The following HELB variants were observed in gnomAD, a reference collection of about 807,000 sequenced individuals.
HELB encodes DNA 5'-3' helicase B.
A neutral mutation model predicts 101.7 loss-of-function variants in HELB; 96 were observed. The observed-to-expected ratio is 0.94, with a 90% CI of 0.80 to 1.12. The LOEUF is 1.12. HELB is among the 50% of genes most tolerant of loss of function. HELB has a pLI of 0.00. For synonymous variants in HELB, 437 were observed against 459.7 expected (o/e 0.95, Z 0.63); for missense variants, 1,210 against 1,291.9 (o/e 0.94, Z 0.97).
At chr12:66,337,577 G>C (rs570600335) in intron 12 of HELB, among the ~76,000 whole-genome samples, 13 of 151,786 alleles carry the variant, frequency 8.6e-5, no homozygotes, top group Middle Eastern at 6.8e-3. Context: ...TGACTTCATG[G>C]GCAGGCAACA....
Position 66,314,040 on chromosome 12 carries a change from T to C in HELB, c.1735T>C (p.Trp579Arg). 1 of 1,613,928 alleles carries C rather than the reference T, an allele frequency of 6.2e-7. No individual in the cohort carries two copies. The highest frequency in any genetic ancestry group is 8.5e-7 in the Non-Finnish European group (1 of 1,179,850). Residue 579 changes from tryptophan to arginine, a missense_variant, in exon 5 of 13, where the codon TGG (tryptophan) becomes CGG (arginine). Trp to Arg is a moderately radical substitution (Grantham distance 101, BLOSUM62 -3). Coordinates refer to ENST00000247815, the MANE Select transcript of HELB (RefSeq NM_001370285.1). ...TQTMMTTNKPWKFSSVRVLVV... is the reference protein window; with the variant it reads ...TQTMMTTNKPRKFSSVRVLVV... ...AACAATGATGACCACAAACAAACCA[T>C]GGAAATTTTCTTCGGTTAGAGTTCT...
chr12:66,329,060 A>G (rs768021242), intron 11 of HELB, among the ~76,000 whole-genome samples: 6 of 152,244 alleles, frequency 3.9e-5, no homozygotes, highest in Non-Finnish European at 7.3e-5. Flanking sequence ...TATAGAATAG[A>G]CATATACATA....
At position 66,302,721 on chromosome 12, in the gene HELB, G is replaced by A. The variant is rs758702075; in HGVS notation, c.118G>A (p.Val40Met). 1.9e-6 allele frequency: 3 copies of A among 1,613,964 alleles called. No homozygotes were observed. The South Asian group carries it at 3.3e-5, about 18-fold the overall frequency. Reference protein sequence around the residue: ...NDDVEEDEESVFIDAEELCSG... With the variant: ...NDDVEEDEESMFIDAEELCSG... ...CGACGTGGAGGAGGATGAAGAGTCC[G>A]TGTTCATCGACGCCGAGGAGCTCTG... The change falls in exon 1 of 13, where the codon GTG becomes ATG. Residue 40 changes from valine to methionine, a missense_variant. Around this residue, in one of 2 missense-constraint regions of HELB, gnomAD observed 470 missense variants for 563.1 expected, o/e 0.83. Coordinates refer to ENST00000247815, the MANE Select transcript of HELB (RefSeq NM_001370285.1).
intron 6 of HELB, among the ~76,000 whole-genome samples, chr12:66,317,738 G>A (rs1043313926): frequency 6.6e-6 from 1 of 152,176 alleles, no homozygotes; most frequent in African/African-American, 2.4e-5. Flanking sequence ...GAGATAGAAG[G>A]TGCTACATGC....
Position 66,309,701 on chromosome 12 carries a change from T to G in HELB, c.778-5T>G, listed in dbSNP as rs2053517025. The G allele has an allele frequency of 6.4e-7, 1 of 1,563,414 alleles. No homozygotes were observed. The highest frequency in any genetic ancestry group is 2.0e-5 in the Admixed American group (1 of 50,310). Reference sequence around the variant, plus strand: ...ATAAACCAACCTGAACTTTATTTCTTAAAGATAACCTACAGAGAGTGGAAA... The same window carrying G: ...ATAAACCAACCTGAACTTTATTTCTGAAAGATAACCTACAGAGAGTGGAAA... On this transcript the variant is annotated splice_polypyrimidine_tract_variant and splice_region_variant and intron_variant, in intron 3 of 12. Coordinates refer to ENST00000247815, the MANE Select transcript of HELB (RefSeq NM_001370285.1).
At chr12:66,331,075 C>T in intron 11 of HELB, 79 bp from the exon 12 acceptor site, 1 of 1,485,312 alleles carries the variant, frequency 6.7e-7, no homozygotes, top group Non-Finnish European at 9.1e-7. Flanking sequence ...ACTTTGAACA[C>T]TTGTCTCCTT....
intron 4 of HELB, 77 bp downstream of exon 4, chr12:66,310,685 A>G: frequency 7.3e-7 from 1 of 1,362,312 alleles, no homozygotes; most frequent in Non-Finnish European, 1.0e-6. Flanking sequence ...TAATCCCAGA[A>G]CTTTTGGGAG....
In HELB at chr12:66,309,754, G is replaced by A. The variant is rs370311569; in HGVS notation, c.826G>A (p.Ala276Thr). 9.3e-6 allele frequency: 15 copies of A among 1,613,682 alleles called. No homozygotes were observed. Among genetic ancestry groups the A allele is most frequent in the African/African-American group, 1.3e-5 (1 of 74,912 alleles). Residue 276 changes from alanine (A) to threonine (T), a missense_variant, in exon 4 of 13, where the codon GCA becomes ACA. Ala to Thr is a moderately conservative substitution (Grantham distance 58). Coordinates refer to ENST00000247815, the MANE Select transcript of HELB (RefSeq NM_001370285.1). Reference sequence around the variant, plus strand: ...CCTGCGATGTGAGGCAAGTTGGATAGCATTTTGTCAGTGTGAGTCTCTTCT... The same window carrying A: ...CCTGCGATGTGAGGCAAGTTGGATAACATTTTGTCAGTGTGAGTCTCTTCT... ...KLLRCEASWI[A>T]FCQCESLLQL...
Position 66,310,307 on chromosome 12 carries a change from C to T in HELB, c.1379C>T (p.Ala460Val), listed in dbSNP as rs2053527427. The T allele has an allele frequency of 5.0e-6, 8 of 1,614,062 alleles. No individual in the cohort carries two copies. The highest frequency in any genetic ancestry group is 6.8e-6 in the Non-Finnish European group (8 of 1,180,028). Reference protein sequence around the residue: ...VEVPLDRDQVAALEMICSNPV... With the variant: ...VEVPLDRDQVVALEMICSNPV... Reference sequence around the variant, plus strand: ...GTTCCACTGGATCGGGATCAGGTGGCTGCTTTGGAAATGATTTGCTCCAAT... The same window carrying T: ...GTTCCACTGGATCGGGATCAGGTGGTTGCTTTGGAAATGATTTGCTCCAAT... Residue 460 changes from alanine to valine, a missense_variant, in exon 4 of 13, where the codon GCT (alanine) becomes GTT (valine). Transcript: ENST00000247815.
At chr12:66,318,925 A>C in intron 7 of HELB, 133 bp downstream of exon 7, 1 of 686,814 alleles carries the variant, frequency 1.5e-6, no homozygotes, top group Non-Finnish European at 2.3e-6. Flanking sequence ...GAGACATTGA[A>C]AATAAATGAA....
chr12:66,335,882 A>C (rs1477764192), intron 12 of HELB, among the ~76,000 whole-genome samples: 1 of 152,168 alleles, frequency 6.6e-6, no homozygotes, highest in Non-Finnish European at 1.5e-5. Context: ...CTCTCTTCTT[A>C]TTATAATCCA....
chr12:66,308,043 T>TGA (rs755744090), intron 3 of HELB, among the ~76,000 whole-genome samples: 1 of 108,052 alleles, frequency 9.3e-6, no homozygotes, highest in Non-Finnish European at 1.8e-5. Context: ...CTACCTCCTC[T>TGA]AAAAAAAAAA....
chr12:66,334,473 A>G (rs374448789), intron 12 of HELB, among the ~76,000 whole-genome samples: 1 of 42,640 alleles, frequency 2.3e-5, no homozygotes, highest in East Asian at 6.6e-4. Flanking sequence ...AAAAAAAAGA[A>G]AAAAAAAAAA....
At chr12:66,333,282 TA>T (rs1303331688) in intron 12 of HELB, among the ~76,000 whole-genome samples, 1 of 152,076 alleles carries the variant, frequency 6.6e-6, no homozygotes, top group Non-Finnish European at 1.5e-5. Context: ...CATGCCTCCC[TA>T]AAAAGGTGAC....
intron 9 of HELB, 21 bp downstream of exon 9, chr12:66,322,804 A>G (rs2053686682): frequency 6.4e-7 from 1 of 1,561,636 alleles, no homozygotes; most frequent in Non-Finnish European, 8.8e-7. Flanking sequence ...TCGAGAACTG[A>G]AACTTTTAAG....
chr12:66,310,604 G>T lies in HELB; in HGVS notation c.1676G>T (p.Cys559Phe), dbSNP rs1010297991. 3 of 1,607,778 alleles carry T rather than the reference G, an allele frequency of 1.9e-6. No homozygotes were observed. In the African/African-American group the frequency reaches 4.0e-5, roughly 22 times the overall value. Residue 559 changes from cysteine to phenylalanine, a missense_variant, in exon 4 of 13, where the codon TGT becomes TTT. Cys to Phe is a radical substitution (Grantham distance 205, BLOSUM62 -2). Transcript: ENST00000247815. ...ACTGGTCTTCATGCCTACACACTGT[G>T]TCAGGTAAAACCTTTGACATTTCAT... ...QKTGLHAYTLCQVNYSFYSWT... is the reference protein window; with the variant it reads ...QKTGLHAYTLFQVNYSFYSWT...
At chr12:66,313,757 A>T (rs1023325665) in intron 4 of HELB, among the ~76,000 whole-genome samples, 1 of 152,080 alleles carries the variant, frequency 6.6e-6, no homozygotes, top group African/African-American at 2.4e-5. Flanking sequence ...TGTGTTTAAG[A>T]ACGATGAGGG....
chr12:66,323,513 T>C (rs2053698260), intron 9 of HELB, among the ~76,000 whole-genome samples: 1 of 152,196 alleles, frequency 6.6e-6, no homozygotes, highest in Non-Finnish European at 1.5e-5. Flanking sequence ...GTTAGCGCAG[T>C]AGCTGGCCTA....
chr12:66,307,102 C>A (rs1319538877), intron 3 of HELB, among the ~76,000 whole-genome samples: 2 of 152,162 alleles, frequency 1.3e-5, no homozygotes, highest in African/African-American at 4.8e-5. Flanking sequence ...GGTACTTAAT[C>A]TTGGTAGTTC....
Sources: allele counts gnomAD v4.1 joint callset (sites outside exome capture counted in the v4.1 genomes callset), GRCh38; gene constraint gnomAD v4.1.1; regional missense constraint gnomAD v4.1.1; transcripts MANE v1.5; gene names NCBI Gene and HGNC (gene_info 2026-07-23, HGNC 2026-07-21).